Variants in XIRP2 observed in about 807,000 individuals in gnomAD.
XIRP2 encodes xin actin binding repeat containing 2.
A neutral mutation model predicts 277.0 loss-of-function variants in XIRP2; 236 were observed. That is an observed-to-expected ratio of 0.85 (90% CI 0.77 to 0.95). XIRP2 has a LOEUF of 0.95. Ranked by LOEUF, XIRP2 falls within the 40% of genes least tolerant of loss-of-function variation. The pLI is 0.00. For missense variants in XIRP2, 4,640 were observed against 4,157.5 expected, an observed-to-expected ratio of 1.12 and a Z score of -3.19; for synonymous variants, 1,490 against 1,416.5, an observed-to-expected ratio of 1.05 and a Z score of -1.17.
intron 2 of XIRP2, among the ~76,000 whole-genome samples, chr2:167,044,574 T>G (rs185942885): frequency 4.3e-4 from 66 of 152,152 alleles, no homozygotes; most frequent in African/African-American, 1.5e-3. Context: ...TCAGTAAACT[T>G]TCAGGATACA....
chr2:166,942,079 CTCA>C (rs1288712494), intron 2 of XIRP2, among the ~76,000 whole-genome samples: 1 of 152,146 alleles, frequency 6.6e-6, no homozygotes. Context: ...CACTACCATC[CTCA>C]CCTTTCTGTA....
At chr2:166,912,116 G>C (rs1684725308) in intron 2 of XIRP2, among the ~76,000 whole-genome samples, 1 of 152,126 alleles carries the variant, frequency 6.6e-6, no homozygotes, top group Non-Finnish European at 1.5e-5. Context: ...GAGTATCTTT[G>C]TGGCATTCTC....
At chr2:166,939,409 C>T (rs1224076367) in intron 2 of XIRP2, among the ~76,000 whole-genome samples, 4 of 151,896 alleles carry the variant, frequency 2.6e-5, no homozygotes, top group East Asian at 3.9e-4. Flanking sequence ...GGGCTGGGCA[C>T]GGTGACTCAG....
chr2:167,010,196 G>T (rs1466452258), intron 2 of XIRP2, among the ~76,000 whole-genome samples: 1 of 152,146 alleles, frequency 6.6e-6, no homozygotes, highest in South Asian at 2.1e-4. Context: ...GGTATTTATG[G>T]TTGTAGGTCT....
intron 2 of XIRP2, among the ~76,000 whole-genome samples, chr2:167,030,162 A>G (rs72884637): frequency 6.6e-6 from 1 of 152,186 alleles, no homozygotes; most frequent in Non-Finnish European, 1.5e-5. Flanking sequence ...TCAAAAAACA[A>G]GCTGCTGGAT....
intron 2 of XIRP2, among the ~76,000 whole-genome samples, chr2:167,058,743 C>T (rs189411142): frequency 1.3e-5 from 2 of 152,292 alleles, no homozygotes; most frequent in East Asian, 3.9e-4. Flanking sequence ...ATAATGGTTG[C>T]TAATACCCCA....
chr2:167,201,178 A>AAGAG (rs1179558333), intron 3 of XIRP2, among the ~76,000 whole-genome samples: 57 of 128,260 alleles, frequency 4.4e-4, no homozygotes, highest in East Asian at 1.7e-3. Context: ...GAGAGAAAGA[A>AAGAG]AGAGAGAGAG....
At chr2:167,033,188 G>A (rs1038956574) in intron 2 of XIRP2, among the ~76,000 whole-genome samples, 1 of 152,052 alleles carries the variant, frequency 6.6e-6, no homozygotes, top group Non-Finnish European at 1.5e-5. Context: ...ACTAACACAG[G>A]AACAGAAAAC....
chr2:167,084,451 C>T (rs1349609546), intron 2 of XIRP2, among the ~76,000 whole-genome samples: 1 of 151,042 alleles, frequency 6.6e-6, no homozygotes, highest in East Asian at 2.0e-4. Context: ...TGATGCTGGC[C>T]TCATAAAATG....
At chr2:167,202,077 A>T (rs1693735467) in intron 3 of XIRP2, among the ~76,000 whole-genome samples, 1 of 152,206 alleles carries the variant, frequency 6.6e-6, no homozygotes, top group Non-Finnish European at 1.5e-5. Flanking sequence ...GATAGCTATC[A>T]TTATTATAAT....
chr2:167,137,976 A>C (rs1193761290), intron 3 of XIRP2, among the ~76,000 whole-genome samples: 1 of 152,154 alleles, frequency 6.6e-6, no homozygotes, highest in African/African-American at 2.4e-5. Flanking sequence ...GTTAACTTGG[A>C]CAGCATGCAA....
At chr2:166,942,675 G>C in intron 2 of XIRP2, among the ~76,000 whole-genome samples, 1 of 152,078 alleles carries the variant, frequency 6.6e-6, no homozygotes, top group Admixed American at 6.6e-5. Context: ...CCAAGAGTAG[G>C]CAGAAAATGT....
chr2:167,057,200 G>A (rs1004038137), intron 2 of XIRP2, among the ~76,000 whole-genome samples: 1 of 152,096 alleles, frequency 6.6e-6, no homozygotes, highest in African/African-American at 2.4e-5. Flanking sequence ...TCAGGACCCA[G>A]ATAATAAAGC....
chr2:167,067,293 A>AT (rs11450116), intron 2 of XIRP2, among the ~76,000 whole-genome samples: 48,653 of 151,826 alleles, frequency 0.32, 10,395 homozygotes, highest in African/African-American at 0.61. Flanking sequence ...GTTCACTAAT[A>AT]TTTTATTATG....
intron 2 of XIRP2, among the ~76,000 whole-genome samples, chr2:166,909,766 CTCT>C (rs1411538533): frequency 2.0e-5 from 3 of 152,134 alleles, no homozygotes; most frequent in Admixed American, 2.0e-4. Context: ...TCATAAATAG[CTCT>C]TATTATTTTG....
chr2:166,920,351 A>G (rs1685004987), intron 2 of XIRP2, among the ~76,000 whole-genome samples: 1 of 152,148 alleles, frequency 6.6e-6, no homozygotes, highest in Non-Finnish European at 1.5e-5. Context: ...AAGCCACAAT[A>G]TTAAAATACT....
At position 167,258,650 on chromosome 2, in the gene XIRP2, G is replaced by C. The variant is rs1382569531; in HGVS notation, c.*833G>C. 1 of 1,611,460 alleles carries C rather than the reference G, an allele frequency of 6.2e-7. No individual in the cohort carries two copies. ...TGAGATGATGCCAGAAAATCATAAA[G>C]AAAATTTGAATAAGAATAATAATAA... On this transcript the variant is annotated 3_prime_UTR_variant, in exon 11 of 11. Coordinates refer to ENST00000409195, the MANE Select transcript of XIRP2 (RefSeq NM_152381.6).
At chr2:167,017,645 G>A (rs1687867729) in intron 2 of XIRP2, among the ~76,000 whole-genome samples, 1 of 151,958 alleles carries the variant, frequency 6.6e-6, no homozygotes, top group South Asian at 2.1e-4. Flanking sequence ...GTTAAGTGAT[G>A]CCATTCCTGC....
chr2:166,988,129 T>A (rs1425635544), intron 2 of XIRP2, among the ~76,000 whole-genome samples: 1 of 152,148 alleles, frequency 6.6e-6, no homozygotes, highest in African/African-American at 2.4e-5. Flanking sequence ...AAACCCAACT[T>A]TGCATGAGCA....
Sources: gnomAD v4.1 joint callset for allele counts (sites outside exome capture counted in the v4.1 genomes callset) on GRCh38, gnomAD v4.1.1 for gene constraint, MANE v1.5 for transcripts, NCBI Gene and HGNC (gene_info 2026-07-23, HGNC 2026-07-21) for gene names.